PDXP: variants seen among roughly 807,000 people sequenced by gnomAD.
PDXP encodes the protein chronophin.
Under a neutral mutation model 14.4 loss-of-function variants are expected in PDXP, and 15 were observed. The observed-to-expected ratio is 1.04, with a 90% CI of 0.70 to 1.60. The LOEUF (loss-of-function observed/expected upper bound fraction) is 1.60. Among genes scored for constraint, PDXP ranks in the 40% most tolerant of loss-of-function variants. The pLI is 0.00. For missense variants in PDXP, 413 were observed against 427.6 expected, an observed-to-expected ratio of 0.97 and a Z score of 0.30; for synonymous variants, 233 against 205.6, an observed-to-expected ratio of 1.13 and a Z score of -1.14.
At chr22:37,662,601 C>T (rs1051059223) in intron 1 of PDXP, among the ~76,000 whole-genome samples, 1 of 152,186 alleles carries the variant, frequency 6.6e-6, no homozygotes, top group Non-Finnish European at 1.5e-5. Flanking sequence ...ATCACAGGTA[C>T]GGTGGAACCT....
At chr22:37,662,961 C>G (rs1348932601) in intron 1 of PDXP, among the ~76,000 whole-genome samples, 2 of 150,958 alleles carry the variant, frequency 1.3e-5, no homozygotes, top group African/African-American at 2.4e-5. Flanking sequence ...GCACTCCAGC[C>G]TGGGTGACAG....
rs1921057571 is a variant in PDXP, at chr22:37,665,769, C to T, written c.789C>T (p.Arg263=). 6.2e-7 allele frequency: 1 copy of T among 1,614,022 alleles called. No individual in the cohort carries two copies. The highest frequency in any genetic ancestry group is 1.3e-5 in the African/African-American group (1 of 74,948). Residue 263 remains arginine, a synonymous_variant, in exon 2 of 2, where the codon CGC becomes CGT. Coordinates refer to ENST00000215904, the MANE Select transcript of PDXP (RefSeq NM_020315.5). ...TTVLTLTGVS[R]LEEAQAYLAA... ...TGCTCACGCTCACAGGAGTCTCCCG[C>T]CTAGAAGAGGCCCAGGCCTACCTAG...
At position 37,659,117 on chromosome 22, in the gene PDXP, T is replaced by TGCTGGGCGGCGAGGGGCTGCGCGCCGA; in HGVS notation, c.340_366dup (p.Gly114_Leu122dup). On this transcript the variant is annotated inframe_insertion, in exon 1 of 2. Transcript: ENST00000215904. ...CCGGACGCGCCGGGCGCCGTGTTCG[T>TGCTGGGCGGCGAGGGGCTGCGCGCCGA]GCTGGGCGGCGAGGGGCTGCGCGCC... The TGCTGGGCGGCGAGGGGCTGCGCGCCGA allele has an allele frequency of 1.9e-6, 2 of 1,026,470 alleles. No homozygotes were observed. Among genetic ancestry groups the TGCTGGGCGGCGAGGGGCTGCGCGCCGA allele is most frequent in the Non-Finnish European group, 2.3e-6 (2 of 859,156 alleles). 63.6% of individuals were successfully genotyped at this position (1,026,470 alleles called of 1,614,324 possible).
intron 1 of PDXP, among the ~76,000 whole-genome samples, chr22:37,660,407 T>C (rs2146087355): frequency 6.6e-6 from 1 of 152,292 alleles, no homozygotes; most frequent in African/African-American, 2.4e-5. Context: ...GGCAGAATTC[T>C]GCCAGCAACT....
chr22:37,665,274 CAT>C (rs1240082985), intron 1 of PDXP, among the ~76,000 whole-genome samples: 1 of 152,016 alleles, frequency 6.6e-6, no homozygotes, highest in African/African-American at 2.4e-5. Context: ...ACAGTACCCA[CAT>C]GAGATAAGTG....
chr22:37,660,838 C>T (rs922143334), intron 1 of PDXP, among the ~76,000 whole-genome samples: 7 of 152,212 alleles, frequency 4.6e-5, no homozygotes, highest in African/African-American at 1.4e-4. Context: ...TGATGCAGGG[C>T]AGTGATAATA....
chr22:37,660,202 A>G (rs1424062442), intron 1 of PDXP, among the ~76,000 whole-genome samples: 3 of 152,184 alleles, frequency 2.0e-5, no homozygotes, highest in Admixed American at 6.5e-5. Context: ...CTCTAAAAGA[A>G]GAGGAAAGAA....
In PDXP at chr22:37,665,632, A is replaced by C. The variant is rs753956304; in HGVS notation, c.652A>C (p.Met218Leu). ...GGTGGTGGGCAAGCCCAGCCCCTAC[A>C]TGTTCGAGTGCATCACGGAGAACTT... The part of the protein sequence containing the change: ...ALVVGKPSPY[M>L]FECITENFSI... Residue 218 changes from methionine (M) to leucine (L), a missense_variant, in exon 2 of 2, where the codon ATG (methionine) becomes CTG (leucine). Transcript: ENST00000215904. The C allele has an allele frequency of 6.2e-7, 1 of 1,613,886 alleles. No homozygotes were observed. Among genetic ancestry groups the C allele is most frequent in the Admixed American group, 1.7e-5 (1 of 60,010 alleles).
chr22:37,662,165 G>T (rs1171762252), intron 1 of PDXP, among the ~76,000 whole-genome samples: 5 of 151,812 alleles, frequency 3.3e-5, no homozygotes, highest in Non-Finnish European at 7.4e-5. Context: ...CAGATGAGGG[G>T]AGAACTCCCA....
At chr22:37,659,477 G>A in intron 1 of PDXP, 121 bp downstream of exon 1, 1 of 709,268 alleles carries the variant, frequency 1.4e-6, no homozygotes, top group Non-Finnish European at 2.0e-6. Context: ...AGGAGAGTGC[G>A]AGGGAGGCCC....
chr22:37,661,331 AGTGTG>A (rs1014757268), intron 1 of PDXP, among the ~76,000 whole-genome samples: 33 of 93,450 alleles, frequency 3.5e-4, no homozygotes, highest in South Asian at 7.0e-4. Context: ...GCTTTCAAAC[AGTGTG>A]GTGTGGTGTG....
intron 1 of PDXP, chr22:37,665,199 C>T (rs1330964435): frequency 9.8e-6 from 3 of 305,542 alleles, no homozygotes; most frequent in East Asian, 6.2e-5. Context: ...AGGGTGAAAT[C>T]GCGAACCTCA....
chr22:37,659,396 C>T (rs756126946), intron 1 of PDXP, 40 bp downstream of exon 1: 5 of 1,257,744 alleles, frequency 4.0e-6, no homozygotes, highest in Admixed American at 6.3e-5. Flanking sequence ...ATGGGGGCGA[C>T]CTGCGCATTC....
In PDXP at chr22:37,664,079, C is replaced by T. The variant is rs138700648; in HGVS notation, c.575-1476C>T. ...CCAAATAGCTGGGATTACAGGCATG[C>T]GCCGCCATGCCTGGCTAATTTTTGT... On this transcript the variant is annotated intron_variant, in intron 1 of 1. Coordinates refer to ENST00000215904, the MANE Select transcript of PDXP (RefSeq NM_020315.5). Among the ~76,000 whole-genome samples the T allele has an allele frequency of 5.3e-5, 8 of 151,466 alleles. No individual in the cohort carries two copies. In the East Asian group the frequency reaches 9.7e-4, roughly 18 times the overall value.
intron 1 of PDXP, chr22:37,665,114 C>T (rs982658860): frequency 5.0e-6 from 1 of 199,764 alleles, no homozygotes; most frequent in African/African-American, 2.3e-5. Context: ...GTAGGCATTA[C>T]TTGGATTCCG....
intron 1 of PDXP, among the ~76,000 whole-genome samples, chr22:37,662,422 T>A (rs776011582): frequency 5.9e-5 from 9 of 152,130 alleles, no homozygotes; most frequent in Non-Finnish European, 1.3e-4. Flanking sequence ...AGTGGTGCGC[T>A]GAGAAACATG....
At position 37,659,116 on chromosome 22, in the gene PDXP, G is replaced by C. The variant is rs1297242208; in HGVS notation, c.334G>C (p.Val112Leu). The C allele has an allele frequency of 1.1e-5, 11 of 1,026,452 alleles. No homozygotes were observed. The highest frequency in any genetic ancestry group is 1.3e-5 in the Non-Finnish European group (11 of 859,124). 63.6% of individuals were successfully genotyped at this position (1,026,452 alleles called of 1,614,324 possible). The change falls in exon 1 of 2, where the codon GTG becomes CTG. Residue 112 changes from valine to leucine, a missense_variant. Transcript: ENST00000215904. Reference sequence around the variant, plus strand: ...TCCGGACGCGCCGGGCGCCGTGTTCGTGCTGGGCGGCGAGGGGCTGCGCGC... The same window carrying C: ...TCCGGACGCGCCGGGCGCCGTGTTCCTGCTGGGCGGCGAGGGGCTGCGCGC... ...GPPDAPGAVF[V>L]LGGEGLRAEL...
At chr22:37,664,526 GAA>G (rs1416084534) in intron 1 of PDXP, among the ~76,000 whole-genome samples, 3 of 152,218 alleles carry the variant, frequency 2.0e-5, no homozygotes, top group African/African-American at 4.8e-5. Flanking sequence ...TGCCACTTAT[GAA>G]GCTGTACAAC....
At chr22:37,659,441 G>C in intron 1 of PDXP, 85 bp downstream of exon 1, 1 of 1,059,938 alleles carries the variant, frequency 9.4e-7, no homozygotes, top group Non-Finnish European at 1.2e-6. Flanking sequence ...CGGGGAAGAG[G>C]CGTCTCCAGG....
Sources: allele counts gnomAD v4.1 joint callset (sites outside exome capture counted in the v4.1 genomes callset), GRCh38; gene constraint gnomAD v4.1.1; transcripts MANE v1.5; gene names NCBI Gene and HGNC (gene_info 2026-07-23, HGNC 2026-07-21).